The following SHLD3 variants were observed in gnomAD, a reference collection of about 807,000 sequenced individuals.
The protein encoded by SHLD3 is shieldin complex subunit 3.
A neutral mutation model predicts 21.4 loss-of-function variants in SHLD3; 15 were observed. The observed-to-expected ratio is 0.70, with a 90% CI of 0.47 to 1.08. SHLD3 has a LOEUF of 1.08. SHLD3 is among the 50% of genes least tolerant of loss of function. The pLI is 0.00. For synonymous variants in SHLD3, 103 were observed against 97.2 expected, an observed-to-expected ratio of 1.06 and a Z score of -0.35; for missense variants, 273 against 286.1, an observed-to-expected ratio of 0.95 and a Z score of 0.33.
chr5:65,625,698 G>GA (rs1468355500), intron 1 of SHLD3, among the ~76,000 whole-genome samples: 1 of 151,956 alleles, frequency 6.6e-6, no homozygotes, highest in African/African-American at 2.4e-5. Flanking sequence ...CATTATTTAG[G>GA]AAAAAACAGC....
Position 65,630,846 on chromosome 5 carries a change from A to G in SHLD3, c.*506A>G, listed in dbSNP as rs1755515573. On this transcript the variant is annotated 3_prime_UTR_variant, in exon 2 of 2. Transcript: ENST00000510585. Reference sequence around the variant, plus strand: ...ATACAAAATGTATACTTTGCCTAAAACGATAATGTATCCTGTTTTGAAGGA... The same window carrying G: ...ATACAAAATGTATACTTTGCCTAAAGCGATAATGTATCCTGTTTTGAAGGA... 1.4e-5 allele frequency: 3 copies of G among 214,582 alleles called. No homozygotes were observed. In the South Asian group the frequency reaches 5.0e-4, roughly 36 times the overall value. 13.3% of individuals were successfully genotyped at this position (214,582 alleles called of 1,614,324 possible). A position where few individuals can be genotyped will look rare whatever the true frequency, so the allele number is the denominator to read the frequency against.
intron 1 of SHLD3, among the ~76,000 whole-genome samples, chr5:65,628,281 C>T (rs1467500686): frequency 6.6e-6 from 1 of 152,084 alleles, no homozygotes; most frequent in Non-Finnish European, 1.5e-5. Context: ...GTATTGGGGT[C>T]TCCATACTGT....
At chr5:65,628,619 A>C (rs763146104) in intron 1 of SHLD3, among the ~76,000 whole-genome samples, 2 of 151,752 alleles carry the variant, frequency 1.3e-5, no homozygotes, top group East Asian at 1.9e-4. Context: ...TTACAGGCAC[A>C]CGCCACCACA....
chr5:65,625,928 C>G (rs561195236), intron 1 of SHLD3: 1 of 152,340 alleles, frequency 6.6e-6, no homozygotes, highest in East Asian at 1.9e-4. Context: ...TTACTTATGG[C>G]ATCCATTTTG....
chr5:65,630,592 A>G lies in SHLD3; in HGVS notation c.*252A>G. ...GTTACAAACTGTGATTGAATTAGTC[A>G]TGAATTAAGTTGTATAGTTTGGATT... On this transcript the variant is annotated 3_prime_UTR_variant, in exon 2 of 2. Coordinates refer to ENST00000510585, the MANE Select transcript of SHLD3 (RefSeq NM_001365341.2). 4 of 1,134,752 alleles carry G rather than the reference A, an allele frequency of 3.5e-6. No individual in the cohort carries two copies. The highest frequency in any genetic ancestry group is 3.2e-6 in the Non-Finnish European group (3 of 925,600). 70.3% of individuals were successfully genotyped at this position (1,134,752 alleles called of 1,614,324 possible).
chr5:65,627,748 C>T (rs1411346097), intron 1 of SHLD3, among the ~76,000 whole-genome samples: 1 of 152,092 alleles, frequency 6.6e-6, no homozygotes, highest in Non-Finnish European at 1.5e-5. Context: ...AACATTAGTG[C>T]ATCATTAGTT....
At chr5:65,625,435 T>C (rs1359894867) in intron 1 of SHLD3, 5 of 329,690 alleles carry the variant, frequency 1.5e-5, no homozygotes, top group Non-Finnish European at 2.8e-5. Flanking sequence ...TTTTTCCTTC[T>C]GTCTCTTGTT....
At chr5:65,628,843 A>T (rs1268906588) in intron 1 of SHLD3, among the ~76,000 whole-genome samples, 1 of 150,802 alleles carries the variant, frequency 6.6e-6, no homozygotes, top group Non-Finnish European at 1.5e-5. Flanking sequence ...TTTTTTAATG[A>T]GATGAAGTCT....
intron 1 of SHLD3, among the ~76,000 whole-genome samples, chr5:65,628,866 C>G (rs1755384359): frequency 6.6e-6 from 1 of 151,304 alleles, no homozygotes; most frequent in Non-Finnish European, 1.5e-5. Context: ...CTCTATCGCC[C>G]AGGCTGAGTG....
At chr5:65,628,279 G>T (rs986652972) in intron 1 of SHLD3, among the ~76,000 whole-genome samples, 1 of 152,116 alleles carries the variant, frequency 6.6e-6, no homozygotes, top group Admixed American at 6.5e-5. Context: ...TGGTATTGGG[G>T]TCTCCATACT....
At chr5:65,628,752 T>G (rs1357725155) in intron 1 of SHLD3, among the ~76,000 whole-genome samples, 1 of 152,142 alleles carries the variant, frequency 6.6e-6, no homozygotes. Context: ...ATTACAGGCA[T>G]GAGCCACCGC....
chr5:65,630,394 A>T lies in SHLD3; in HGVS notation c.*54A>T. On this transcript the variant is annotated 3_prime_UTR_variant, in exon 2 of 2. Coordinates refer to ENST00000510585, the MANE Select transcript of SHLD3 (RefSeq NM_001365341.2). ...TTCTGAATGAAATGAATATGGATTG[A>T]AATAGATAAAATAATTTTTACAGGT... is the stretch of plus-strand genomic sequence containing the variant. 1 of 1,411,890 alleles carries T rather than the reference A, an allele frequency of 7.1e-7. No individual in the cohort carries two copies. The highest frequency in any genetic ancestry group is 2.5e-5 in the East Asian group (1 of 39,488). The allele number at this position is 1,411,890 out of a possible 1,614,324, so 87.5% of individuals were successfully genotyped here.
Position 65,630,488 on chromosome 5 carries a change from G to A in SHLD3, c.*148G>A, listed in dbSNP as rs27594. On this transcript the variant is annotated 3_prime_UTR_variant, in exon 2 of 2. Coordinates refer to ENST00000510585, the MANE Select transcript of SHLD3 (RefSeq NM_001365341.2). ...TTAAGTCAAGAAATTGCTGAGTTCT[G>A]CTTATTGGCAGCCTTCTTTTAAATG... The A allele has an allele frequency of 0.64, 874,872 of 1,368,210 alleles. 281,554 individuals are homozygous for A. Among genetic ancestry groups the A allele is most frequent in the South Asian group, 0.66 (33,671 of 50,920 alleles). The allele number at this position is 1,368,210 out of a possible 1,614,324, so 84.8% of individuals were successfully genotyped here.
At chr5:65,627,920 A>G (rs1163962240) in intron 1 of SHLD3, among the ~76,000 whole-genome samples, 3 of 152,202 alleles carry the variant, frequency 2.0e-5, no homozygotes, top group Non-Finnish European at 4.4e-5. Flanking sequence ...TCAGACAGTG[A>G]TTCTATTGTG....
rs1029045773 is a variant in SHLD3, at chr5:65,629,722, T to G, written c.135T>G (p.Asp45Glu). 3 of 1,535,980 alleles carry G rather than the reference T, an allele frequency of 2.0e-6. No homozygotes were observed. The African/African-American group carries it at 4.1e-5, about 21-fold the overall frequency. Residue 45 changes from aspartate (D) to glutamate (E), a missense_variant, in exon 2 of 2, where the codon GAT (aspartate) becomes GAG (glutamate). Transcript: ENST00000510585. ...GATTTATACCTTGGTTTCCATATGA[T>G]GGGTCCAAGCTTCCACTCAGACCTA... ...LSRFIPWFPY[D>E]GSKLPLRPKR...
At chr5:65,629,332 T>G in intron 1 of SHLD3, 136 bp from the exon 2 acceptor site, 1 of 496,508 alleles carries the variant, frequency 2.0e-6, no homozygotes, top group Non-Finnish European at 3.0e-6. Flanking sequence ...TAGATTACAT[T>G]CACATTTACC....
At chr5:65,626,088 A>G (rs1336711017) in intron 1 of SHLD3, 1 of 91,656 alleles carries the variant, frequency 1.1e-5, no homozygotes, top group Admixed American at 9.6e-5. Context: ...CTGTAAGCTT[A>G]ACCTGAGCAA....
At chr5:65,625,708 C>T (rs576433485) in intron 1 of SHLD3, among the ~76,000 whole-genome samples, 1 of 152,134 alleles carries the variant, frequency 6.6e-6, no homozygotes, top group Admixed American at 6.5e-5. Context: ...GAAAAAACAG[C>T]AGCACTTTTT....
In SHLD3 at chr5:65,630,891, ATTGT is replaced by A. The variant is rs1264258381; in HGVS notation, c.*554_*557del. 1 of 161,434 alleles carries A rather than the reference ATTGT, an allele frequency of 6.2e-6. No homozygotes were observed. The highest frequency in any genetic ancestry group is 1.3e-5 in the Non-Finnish European group (1 of 76,474). 10.0% of individuals were successfully genotyped at this position (161,434 alleles called of 1,614,324 possible). A position where few individuals can be genotyped will look rare whatever the true frequency, so the allele number is the denominator to read the frequency against. ...GAAGGAAAGTATCAAATGTTGAATG[ATTGT>A]TTATTTCTTCTAATACAGATAATTC... On this transcript the variant is annotated 3_prime_UTR_variant, in exon 2 of 2. Transcript: ENST00000510585.
Sources: gnomAD v4.1 joint callset for allele counts (sites outside exome capture counted in the v4.1 genomes callset) on GRCh38, gnomAD v4.1.1 for gene constraint, MANE v1.5 for transcripts, NCBI Gene and HGNC (gene_info 2026-07-23, HGNC 2026-07-21) for gene names.